The following CAST variants were observed in gnomAD, a reference collection of about 807,000 sequenced individuals.
CAST encodes MIR583 host.
A neutral mutation model predicts 119.6 loss-of-function variants in CAST; 76 were observed. That is an observed-to-expected ratio of 0.64 (90% CI 0.53 to 0.77). CAST has a LOEUF of 0.77. Among genes scored for constraint, CAST ranks in the 30% least tolerant of loss-of-function variants. The pLI is 0.00. For missense variants in CAST, 953 were observed against 946.5 expected (o/e 1.01, Z -0.09); for synonymous variants, 319 against 331.6 (o/e 0.96, Z 0.41).
the CAST span, among the ~76,000 whole-genome samples, chr5:96,246,187 CTTTT>C: frequency 1.3e-5 from 1 of 76,386 alleles, no homozygotes. Context: ...GTCTGTCTTC[CTTTT>C]TTTTTTTTTG....
chr5:96,125,950 G>A, the CAST span, among the ~76,000 whole-genome samples: 4 of 152,092 alleles, frequency 2.6e-5, no homozygotes, highest in African/African-American at 9.7e-5. Flanking sequence ...AGCATGAGGA[G>A]GTGTTAAAGC....
the CAST span, among the ~76,000 whole-genome samples, chr5:96,139,507 C>T: frequency 0.33 from 48,514 of 145,536 alleles, 8,194 homozygotes; most frequent in Middle Eastern, 0.39. Flanking sequence ...TATATATACA[C>T]ATATATATAT....
At chr5:96,624,646 G>T (rs749342932) in intron 1 of CAST, among the ~76,000 whole-genome samples, 7 of 152,158 alleles carry the variant, frequency 4.6e-5, no homozygotes, top group Non-Finnish European at 1.0e-4. Flanking sequence ...GTGTCATGAG[G>T]CTTCTTAGCA....
the CAST span, among the ~76,000 whole-genome samples, chr5:96,278,923 T>C: frequency 1.4e-4 from 22 of 152,376 alleles, no homozygotes; most frequent in Non-Finnish European, 2.5e-4. Context: ...TAAAAAATGT[T>C]GTAGTCTTAT....
chr5:96,730,484 C>T (rs1414137445), intron 8 of CAST, among the ~76,000 whole-genome samples: 1 of 152,182 alleles, frequency 6.6e-6, no homozygotes, highest in Non-Finnish European at 1.5e-5. Flanking sequence ...AGAGTGAGCT[C>T]ACGTGGCAAC....
the CAST span, among the ~76,000 whole-genome samples, chr5:96,233,763 T>G: frequency 6.6e-6 from 1 of 152,206 alleles, no homozygotes; most frequent in Non-Finnish European, 1.5e-5. Flanking sequence ...ATAATTAGCC[T>G]GTATAGTTTC....
the CAST span, among the ~76,000 whole-genome samples, chr5:96,458,618 C>G: frequency 3.9e-5 from 6 of 152,262 alleles, no homozygotes; most frequent in Non-Finnish European, 8.8e-5. Context: ...CAGTTAGAGG[C>G]TCAGGCCTTT....
the CAST span, among the ~76,000 whole-genome samples, chr5:96,359,509 C>G: frequency 1.3e-4 from 20 of 152,136 alleles, no homozygotes; most frequent in Non-Finnish European, 2.8e-4. Flanking sequence ...CTTTCAGGAG[C>G]TCTTGTAAGG....
the CAST span, among the ~76,000 whole-genome samples, chr5:96,436,648 A>G: frequency 2.5e-3 from 383 of 152,302 alleles, 1 homozygote; most frequent in Middle Eastern, 0.01. Context: ...GAAAATGCCT[A>G]TAGATTCAGA....
chr5:96,183,987 C>G, the CAST span, among the ~76,000 whole-genome samples: 1 of 152,134 alleles, frequency 6.6e-6, no homozygotes, highest in Non-Finnish European at 1.5e-5. Flanking sequence ...TTATACTTTA[C>G]TGATTCATAT....
chr5:96,398,547 C>T, the CAST span, among the ~76,000 whole-genome samples: 1 of 152,122 alleles, frequency 6.6e-6, no homozygotes, highest in Non-Finnish European at 1.5e-5. Context: ...GGTTAATTAT[C>T]AGAGTAACTT....
At chr5:96,724,255 G>C (rs1410014664) in intron 4 of CAST, among the ~76,000 whole-genome samples, 3 of 151,730 alleles carry the variant, frequency 2.0e-5, no homozygotes, top group African/African-American at 7.3e-5. Flanking sequence ...ATCACAGCTT[G>C]CTGCCACCTT....
intron 1 of CAST, among the ~76,000 whole-genome samples, chr5:96,639,463 G>A (rs143536588): frequency 1.4e-4 from 22 of 152,272 alleles, no homozygotes; most frequent in African/African-American, 4.8e-4. Flanking sequence ...CATCCCCACT[G>A]CTCCTGCACT....
At chr5:96,687,059 T>C (rs930553064) in intron 2 of CAST, among the ~76,000 whole-genome samples, 3 of 152,188 alleles carry the variant, frequency 2.0e-5, no homozygotes, top group Non-Finnish European at 4.4e-5. Flanking sequence ...GATTTTTAGC[T>C]AGGAGCAGGG....
At chr5:96,113,365 G>A in the CAST span, among the ~76,000 whole-genome samples, 1 of 152,138 alleles carries the variant, frequency 6.6e-6, no homozygotes, top group Non-Finnish European at 1.5e-5. Context: ...GAATTAAGTG[G>A]GAACAACAAA....
intron 1 of CAST, among the ~76,000 whole-genome samples, chr5:96,623,020 C>T (rs1204018982): frequency 6.6e-6 from 1 of 151,706 alleles, no homozygotes; most frequent in Non-Finnish European, 1.5e-5. Context: ...CGCACCACCA[C>T]ACCTGGCTAA....
chr5:96,733,849 C>G (rs996181755), intron 9 of CAST, among the ~76,000 whole-genome samples: 4 of 152,122 alleles, frequency 2.6e-5, no homozygotes, highest in Non-Finnish European at 5.9e-5. Context: ...TGCACTCCAG[C>G]CTGGGCAACA....
chr5:96,661,167 A>C (rs1748377766), upstream of CAST, among the ~76,000 whole-genome samples: 1 of 149,606 alleles, frequency 6.7e-6, no homozygotes, highest in Non-Finnish European at 1.5e-5. Flanking sequence ...TAATCCTAGC[A>C]CTTTGGGAGG....
chr5:96,100,158 A>T, the CAST span, among the ~76,000 whole-genome samples: 1 of 151,956 alleles, frequency 6.6e-6, no homozygotes, highest in Non-Finnish European at 1.5e-5. Flanking sequence ...CTTCCCAGGT[A>T]CCCTGCTGCA....
Sources: allele counts gnomAD v4.1 joint callset (sites outside exome capture counted in the v4.1 genomes callset), GRCh38; gene constraint gnomAD v4.1.1; transcripts MANE v1.5; gene names NCBI Gene and HGNC (gene_info 2026-07-23, HGNC 2026-07-21).